Variants in ARHGAP21 observed in about 807,000 individuals in gnomAD.
The protein encoded by ARHGAP21 is Rho GTPase activating protein 21, also known as rho GTPase-activating protein 21.
ARHGAP21 carries 38 observed loss-of-function variants against 164.6 expected under a neutral mutation model. The ratio of observed to expected loss-of-function variants is 0.23; its 90% CI spans 0.18 to 0.30. The LOEUF (loss-of-function observed/expected upper bound fraction) is 0.30, where lower values mean the gene tolerates loss of function less well. Among genes scored for constraint, ARHGAP21 ranks in the 10% least tolerant of loss-of-function variants. The pLI, the probability that ARHGAP21 is intolerant of heterozygous loss-of-function variation, is 1.00. For missense variants in ARHGAP21, 1,822 were observed against 2,370.7 expected, an observed-to-expected ratio of 0.77 and a Z score of 4.81; for synonymous variants, 766 against 857.9, an observed-to-expected ratio of 0.89 and a Z score of 1.87.
At chr10:24,664,022 A>C (rs772338818) in intron 4 of ARHGAP21, among the ~76,000 whole-genome samples, 2 of 152,174 alleles carry the variant, frequency 1.3e-5, no homozygotes, top group African/African-American at 2.4e-5. Context: ...GCTGAATGAG[A>C]CCTTGGGGTT....
intron 2 of ARHGAP21, chr10:24,706,635 G>A (rs534418390): frequency 7.9e-5 from 12 of 152,708 alleles, no homozygotes; most frequent in Admixed American, 3.3e-4. Flanking sequence ...CTCTGACTCA[G>A]CTTCTGTCAG....
intron 11 of ARHGAP21, among the ~76,000 whole-genome samples, chr10:24,606,592 TATTAAA>T (rs2077035516): frequency 6.6e-6 from 1 of 152,126 alleles, no homozygotes; most frequent in Non-Finnish European, 1.5e-5. Context: ...TAACAATAGA[TATTAAA>T]ATTAAAAATA....
rs1319105368 is a variant in ARHGAP21 at position 24,628,972 on chromosome 10, ATATATATATATTTTTTTTT to A, written c.495+1005_495+1023del. 1.8e-3 allele frequency: 27 copies of A among 14,936 alleles called. No individual in the cohort carries two copies. The East Asian group carries it at 0.041, about 23-fold the overall frequency. 0.9% of individuals were successfully genotyped at this position (14,936 alleles called of 1,614,324 possible). The stretch of plus-strand genomic sequence containing the variant: ...ACACACTATATATATATATATATAT[ATATATATATATTTTTTTTT>A]TTTTTTTTTTTTTTTTTTTTTTGAG... On this transcript the variant is annotated intron_variant, in intron 7 of 25. Transcript: ENST00000396432.
intron 2 of ARHGAP21, among the ~76,000 whole-genome samples, chr10:24,711,136 AGGAGGGAGGGAGGGTG>A (rs1241057206): frequency 2.1e-5 from 1 of 48,464 alleles, no homozygotes; most frequent in African/African-American, 8.2e-5. Context: ...GAAGGAAGGA[AGGAGGGAGGGAGGGTG>A]GGAGGGAAAA....
chr10:24,692,867 G>A lies in ARHGAP21; in HGVS notation c.64-22470C>T, dbSNP rs369072812. On this transcript the variant is annotated intron_variant, in intron 2 of 25. Transcript: ENST00000396432. ...AATAAAAAAATTAAAAAAAAAAAGAGTAGGATAAACTGTGGTCTATTCACA... is the reference window on the plus strand; with the variant it reads ...AATAAAAAAATTAAAAAAAAAAAGAATAGGATAAACTGTGGTCTATTCACA... 7.3e-5 allele frequency among the ~76,000 whole-genome samples: 11 copies of A among 151,538 alleles called. No individual in the cohort carries two copies. In the South Asian group the frequency reaches 1.3e-3, roughly 17 times the overall value.
Position 24,682,696 on chromosome 10 carries a change from CT to C in ARHGAP21, c.64-12300del, listed in dbSNP as rs1013631860. Among the ~76,000 whole-genome samples the C allele has an allele frequency of 3.6e-3, 520 of 144,288 alleles. 3 individuals are homozygous for C. Among genetic ancestry groups the C allele is most frequent in the African/African-American group, 0.011 (419 of 39,582 alleles). 94.7% of individuals were successfully genotyped at this position (144,288 alleles called of 152,430 possible). A position where few individuals can be genotyped will look rare whatever the true frequency, so the allele number is the denominator to read the frequency against. Reference sequence around the variant, plus strand: ...TTTCTAATTTTAAAGATTTCTTTCTCTTTTTTTTTTTGTCAATAAAGGTCGA... The same window carrying C: ...TTTCTAATTTTAAAGATTTCTTTCTCTTTTTTTTTTGTCAATAAAGGTCGA... On this transcript the variant is annotated intron_variant, in intron 2 of 25. Transcript: ENST00000396432.
At chr10:24,589,648 A>T in intron 24 of ARHGAP21, 2 of 222,892 alleles carry the variant, frequency 9.0e-6, no homozygotes, top group East Asian at 2.7e-4. Flanking sequence ...TTCTTTTTTA[A>T]TGTACCACAT....
intron 4 of ARHGAP21, among the ~76,000 whole-genome samples, chr10:24,636,779 A>C (rs1477500641): frequency 6.6e-6 from 1 of 152,234 alleles, no homozygotes; most frequent in Admixed American, 6.5e-5. Flanking sequence ...TTGTTTTAGA[A>C]GCGAGTAGAC....
At chr10:24,650,338 C>G (rs1480307872) in intron 4 of ARHGAP21, among the ~76,000 whole-genome samples, 1 of 152,046 alleles carries the variant, frequency 6.6e-6, no homozygotes, top group African/African-American at 2.4e-5. Context: ...ATGGGTAACA[C>G]AGTGAGACCC....
rs1407772588 is a variant in ARHGAP21, at chr10:24,591,680, C to T, written c.4006G>A (p.Asp1336Asn). 2 of 1,613,952 alleles carry T rather than the reference C, an allele frequency of 1.2e-6. No homozygotes were observed. The highest frequency in any genetic ancestry group is 1.1e-5 in the South Asian group (1 of 91,042). The change falls in exon 23 of 26, where the codon GAC becomes AAC. Residue 1336 changes from aspartate (D) to asparagine (N), a missense_variant. This residue lies in a region of ARHGAP21 where 117 missense variants were observed against 238.1 expected (regional missense o/e 0.49). Transcript: ENST00000396432. ...KIVETLIQHH[D>N]WFFTEEGAEE... ...GCACCTTCTTCTGTGAAAAACCAGT[C>T]ATGCTAAAATTTAAAAAAGGTGAGA... is the stretch of plus-strand genomic sequence containing the variant.
At chr10:24,597,913 C>G in intron 15 of ARHGAP21, 32 bp downstream of exon 15, 1 of 1,596,984 alleles carries the variant, frequency 6.3e-7, no homozygotes, top group South Asian at 1.1e-5. Context: ...ATTTTATATC[C>G]AAATTAACTG....
rs992400861 is a variant in ARHGAP21, at chr10:24,670,069, G to A, written c.243+149C>T. 6.3e-6 allele frequency: 3 copies of A among 473,778 alleles called. No homozygotes were observed. The East Asian group carries it at 1.1e-4, about 17-fold the overall frequency. The allele number at this position is 473,778 out of a possible 1,614,324, so 29.3% of individuals were successfully genotyped here. A position where few individuals can be genotyped will look rare whatever the true frequency, so the allele number is the denominator to read the frequency against. On this transcript the variant is annotated intron_variant, in intron 3 of 25. Transcript: ENST00000396432. Reference sequence around the variant, plus strand: ...TTGAAGGTGGGAAAATACCTAAAAGGAGAAAAATAATATAATAAAAATTCA... The same window carrying A: ...TTGAAGGTGGGAAAATACCTAAAAGAAGAAAAATAATATAATAAAAATTCA...
At chr10:24,675,029 T>C (rs1841076504) in intron 2 of ARHGAP21, among the ~76,000 whole-genome samples, 1 of 152,156 alleles carries the variant, frequency 6.6e-6, no homozygotes, top group African/African-American at 2.4e-5. Flanking sequence ...AGTCTGACAG[T>C]TTCTTAAGTT....
intron 3 of ARHGAP21, 26 bp downstream of exon 3, chr10:24,670,192 C>A: frequency 6.7e-7 from 1 of 1,484,342 alleles, no homozygotes; most frequent in Non-Finnish European, 9.0e-7. Flanking sequence ...GTTTTTTTTT[C>A]AAGTTGCGGT....
chr10:24,659,421 T>C (rs1376488105), intron 4 of ARHGAP21, among the ~76,000 whole-genome samples: 4 of 152,230 alleles, frequency 2.6e-5, no homozygotes, highest in Non-Finnish European at 5.9e-5. Flanking sequence ...GTTCAAGCGA[T>C]TCTCCTGCCT....
At chr10:24,713,915 C>A (rs1845107749) in intron 2 of ARHGAP21, among the ~76,000 whole-genome samples, 4 of 152,148 alleles carry the variant, frequency 2.6e-5, no homozygotes, top group Non-Finnish European at 4.4e-5. Context: ...CAACTTAAAC[C>A]ATAAAACTAT....
intron 2 of ARHGAP21, among the ~76,000 whole-genome samples, chr10:24,676,177 T>A (rs959813141): frequency 6.6e-6 from 1 of 152,124 alleles, no homozygotes; most frequent in Non-Finnish European, 1.5e-5. Context: ...CCCTAAAAAG[T>A]AAAAATGATT....
chr10:24,686,246 T>C (rs1254704314), intron 2 of ARHGAP21, among the ~76,000 whole-genome samples: 2 of 151,892 alleles, frequency 1.3e-5, no homozygotes, highest in African/African-American at 4.8e-5. Flanking sequence ...CTGTGTAACA[T>C]GATGAGGCCC....
intron 4 of ARHGAP21, among the ~76,000 whole-genome samples, chr10:24,658,427 C>A (rs1392253906): frequency 2.0e-5 from 3 of 152,208 alleles, no homozygotes; most frequent in African/African-American, 7.2e-5. Context: ...TTGGAACCAA[C>A]CCAACTGTCC....
Sources: allele counts gnomAD v4.1 joint callset (sites outside exome capture counted in the v4.1 genomes callset), GRCh38; gene constraint gnomAD v4.1.1; regional missense constraint gnomAD v4.1.1; transcripts MANE v1.5; gene names NCBI Gene and HGNC (gene_info 2026-07-23, HGNC 2026-07-21).